The following MYO1B variants were observed in gnomAD, a reference collection of about 807,000 sequenced individuals.
MYO1B encodes the protein unconventional myosin-Ib.
Under a neutral mutation model 159.7 loss-of-function variants are expected in MYO1B, and 72 were observed. The observed-to-expected ratio is 0.45, with a 90% CI of 0.37 to 0.55. MYO1B has a LOEUF of 0.55. Among genes scored for constraint, MYO1B ranks in the 20% least tolerant of loss-of-function variants. MYO1B has a pLI of 0.00. For synonymous variants in MYO1B, 468 were observed against 473.8 expected (o/e 0.99, Z 0.16); for missense variants, 1,062 against 1,364.8 (o/e 0.78, Z 3.50).
chr2:191,251,547 G>A (rs924200505), intron 1 of MYO1B, among the ~76,000 whole-genome samples: 12 of 152,136 alleles, frequency 7.9e-5, no homozygotes, highest in African/African-American at 2.7e-4. Context: ...TCTGCCTTCC[G>A]GGGACTTTCA....
rs1693835139 is a variant in MYO1B at position 191,363,895 on chromosome 2, A to G, written c.913+20A>G. Reference sequence around the variant, plus strand: ...AAAATGGTACATCCGTGGAGAATCAACTTTGTTTGTTTAGGAAACTTGCTT... The same window carrying G: ...AAAATGGTACATCCGTGGAGAATCAGCTTTGTTTGTTTAGGAAACTTGCTT... On this transcript the variant is annotated intron_variant, in intron 10 of 30. Transcript: ENST00000392318. 1 of 1,613,348 alleles carries G rather than the reference A, an allele frequency of 6.2e-7. No individual in the cohort carries two copies. The highest frequency in any genetic ancestry group is 1.3e-5 in the African/African-American group (1 of 74,990).
intron 11 of MYO1B, among the ~76,000 whole-genome samples, chr2:191,366,830 A>C (rs1215285300): frequency 6.6e-6 from 1 of 151,722 alleles, no homozygotes; most frequent in East Asian, 1.9e-4. Flanking sequence ...CTTTGATCAA[A>C]TAGGCCTCCT....
intron 30 of MYO1B, 52 bp downstream of exon 30, chr2:191,416,294 T>G: frequency 6.2e-7 from 1 of 1,604,814 alleles, no homozygotes; most frequent in Non-Finnish European, 8.5e-7. Flanking sequence ...CTTTTTTGTT[T>G]TAGTTCAGCT....
intron 3 of MYO1B, among the ~76,000 whole-genome samples, chr2:191,323,819 G>A (rs183688285): frequency 6.6e-5 from 10 of 151,964 alleles, no homozygotes; most frequent in Admixed American, 1.3e-4. Flanking sequence ...ATCCTTTTCC[G>A]GTTATGTAGC....
At chr2:191,304,460 C>T (rs1443369243) in intron 3 of MYO1B, among the ~76,000 whole-genome samples, 1 of 152,134 alleles carries the variant, frequency 6.6e-6, no homozygotes, top group Non-Finnish European at 1.5e-5. Context: ...GTCCCAGCTA[C>T]TCGGGGGGCT....
At chr2:191,409,424 T>TTTCCA (rs1697130115) in intron 26 of MYO1B, among the ~76,000 whole-genome samples, 2 of 152,208 alleles carry the variant, frequency 1.3e-5, no homozygotes, top group Admixed American at 1.3e-4. Context: ...CTGCATTTTC[T>TTTCCA]TTCCATTCCA....
At chr2:191,375,541 A>G (rs1401140680) in intron 13 of MYO1B, among the ~76,000 whole-genome samples, 1 of 151,858 alleles carries the variant, frequency 6.6e-6, no homozygotes, top group Non-Finnish European at 1.5e-5. Flanking sequence ...ATAGCCAGCA[A>G]TTCCTGAATC....
intron 11 of MYO1B, among the ~76,000 whole-genome samples, chr2:191,366,405 T>C (rs1694012887): frequency 6.6e-6 from 1 of 152,130 alleles, no homozygotes; most frequent in African/African-American, 2.4e-5. Context: ...ATTTTTAATG[T>C]AGTACTCAGA....
chr2:191,353,408 C>T lies in MYO1B; in HGVS notation c.562+3183C>T, dbSNP rs550126613. Reference sequence around the variant, plus strand: ...ACAGTGGAGAACATATGGTACAAGTCGCAAGGGATTCTGTCTTCTAGAAGA... The same window carrying T: ...ACAGTGGAGAACATATGGTACAAGTTGCAAGGGATTCTGTCTTCTAGAAGA... On this transcript the variant is annotated intron_variant, in intron 7 of 30. Transcript: ENST00000392318. Among the ~76,000 whole-genome samples, 356 of 152,172 alleles carry T rather than the reference C, an allele frequency of 2.3e-3. 1 individual carries two copies. The highest frequency in any genetic ancestry group is 3.8e-3 in the Non-Finnish European group (258 of 68,006).
intron 3 of MYO1B, among the ~76,000 whole-genome samples, chr2:191,312,877 A>T (rs998684062): frequency 6.6e-6 from 1 of 152,194 alleles, no homozygotes; most frequent in Non-Finnish European, 1.5e-5. Flanking sequence ...TTCAGGAAAT[A>T]TTTATTTTTA....
chr2:191,418,482 A>AT (rs1159016855), intron 30 of MYO1B, among the ~76,000 whole-genome samples: 3,678 of 80,824 alleles, frequency 0.046, 487 homozygotes, highest in African/African-American at 0.17. Flanking sequence ...TCTTTAGTGG[A>AT]TTTTTTTTTT....
chr2:191,305,017 A>G (rs574341786), intron 3 of MYO1B, among the ~76,000 whole-genome samples: 1 of 152,328 alleles, frequency 6.6e-6, no homozygotes, highest in African/African-American at 2.4e-5. Flanking sequence ...ACAGACTCTG[A>G]GAAGTTCTGC....
At chr2:191,411,633 G>A (rs1311403129) in intron 27 of MYO1B, among the ~76,000 whole-genome samples, 1 of 152,182 alleles carries the variant, frequency 6.6e-6, no homozygotes, top group Non-Finnish European at 1.5e-5. Flanking sequence ...TACTTTTTGA[G>A]TGTTGCTTGA....
chr2:191,287,634 T>A (rs1163170173), intron 2 of MYO1B, among the ~76,000 whole-genome samples: 2 of 152,182 alleles, frequency 1.3e-5, no homozygotes, highest in African/African-American at 2.4e-5. Flanking sequence ...AGCCAAGACT[T>A]ACACAATATT....
chr2:191,368,281 C>T (rs1694136630), intron 11 of MYO1B, among the ~76,000 whole-genome samples: 1 of 152,086 alleles, frequency 6.6e-6, no homozygotes, highest in Non-Finnish European at 1.5e-5. Flanking sequence ...CAGTAATACC[C>T]CAATTTTTAC....
chr2:191,251,428 A>AT (rs1200050678), intron 1 of MYO1B, among the ~76,000 whole-genome samples: 1 of 152,220 alleles, frequency 6.6e-6, no homozygotes, highest in Non-Finnish European at 1.5e-5. Context: ...AAAAGTAAAA[A>AT]TTGACATTCT....
intron 22 of MYO1B, 132 bp from the exon 23 acceptor site, chr2:191,400,617 G>A: frequency 3.8e-6 from 5 of 1,307,384 alleles, no homozygotes; most frequent in Non-Finnish European, 5.4e-6. Flanking sequence ...TTTGTTGTGG[G>A]GTGGTGGCAC....
chr2:191,416,343 C>A, intron 30 of MYO1B, 101 bp downstream of exon 30: 1 of 1,383,424 alleles, frequency 7.2e-7, no homozygotes, highest in South Asian at 1.2e-5. Context: ...TATTAAGTAC[C>A]AGGTATGTGT....
chr2:191,416,962 T>C (rs1267434895), intron 30 of MYO1B, among the ~76,000 whole-genome samples: 1 of 152,242 alleles, frequency 6.6e-6, no homozygotes, highest in Admixed American at 6.5e-5. Context: ...CCCAGATTTA[T>C]TGTATCTATC....
Sources: allele counts gnomAD v4.1 joint callset (sites outside exome capture counted in the v4.1 genomes callset), GRCh38; gene constraint gnomAD v4.1.1; transcripts MANE v1.5; gene names NCBI Gene and HGNC (gene_info 2026-07-23, HGNC 2026-07-21).